Variants in PDLIM3 observed in about 807,000 individuals in gnomAD.
PDLIM3 encodes PDZ and LIM domain protein 3.
A neutral mutation model predicts 37.3 loss-of-function variants in PDLIM3; 36 were observed. That is an observed-to-expected ratio of 0.97 (90% CI 0.74 to 1.28). The LOEUF is 1.28. PDLIM3 is among the 50% of genes most tolerant of loss of function. The pLI is 0.00. For synonymous variants in PDLIM3, 174 were observed against 182.4 expected, an observed-to-expected ratio of 0.95 and a Z score of 0.37; for missense variants, 454 against 485.0, an observed-to-expected ratio of 0.94 and a Z score of 0.60.
chr4:185,513,517 CTTTT>C, intron 4 of PDLIM3: 10 of 807,348 alleles, frequency 1.2e-5, no homozygotes, highest in Non-Finnish European at 1.5e-5. Context: ...CACTTAAATT[CTTTT>C]TTTTTTTTTA....
rs550511333 is a variant in PDLIM3 at position 185,524,514 on chromosome 4, G to A, written c.245+506C>T. 2.0e-5 allele frequency among the ~76,000 whole-genome samples: 3 copies of A among 152,310 alleles called. No homozygotes were observed. The East Asian group carries it at 5.8e-4, about 29-fold the overall frequency. On this transcript the variant is annotated intron_variant, in intron 2 of 7. Coordinates refer to ENST00000284767, the MANE Select transcript of PDLIM3 (RefSeq NM_014476.6). ...ACATCTCAGTATTTCACATGCCCACGTGCATATGCACTCTCACACCTGTAA... is the reference window on the plus strand; with the variant it reads ...ACATCTCAGTATTTCACATGCCCACATGCATATGCACTCTCACACCTGTAA...
intron 5 of PDLIM3, among the ~76,000 whole-genome samples, chr4:185,507,977 T>C (rs963750324): frequency 6.6e-6 from 1 of 152,110 alleles, no homozygotes; most frequent in Non-Finnish European, 1.5e-5. Context: ...GTAAAGTACA[T>C]TGTAGCTTTC....
intron 1 of PDLIM3, among the ~76,000 whole-genome samples, chr4:185,526,696 T>C (rs1309823551): frequency 6.6e-6 from 1 of 152,218 alleles, no homozygotes; most frequent in East Asian, 1.9e-4. Context: ...TCTTACATTA[T>C]TCCTGCTCTC....
rs568748419 is a variant in PDLIM3 at position 185,511,251 on chromosome 4, GA to G, written c.399-2690del. Among the ~76,000 whole-genome samples the G allele has an allele frequency of 2.2e-3, 334 of 152,210 alleles. 1 individual carries two copies. Among genetic ancestry groups the G allele is most frequent in the African/African-American group, 7.8e-3 (323 of 41,514 alleles). On this transcript the variant is annotated intron_variant, in intron 4 of 7. Coordinates refer to ENST00000284767, the MANE Select transcript of PDLIM3 (RefSeq NM_014476.6). ...TTAAAAATTTTACATATTTGTATAT[GA>G]AAACACCAGTCTTTTAAAAGGCTTC...
Position 185,513,176 on chromosome 4 carries a change from G to T in PDLIM3, c.398+1094C>A, listed in dbSNP as rs547716768. The T allele has an allele frequency of 5.6e-4, 548 of 985,218 alleles. 2 individuals are homozygous for T. The highest frequency in any genetic ancestry group is 2.3e-3 in the East Asian group (20 of 8,814). 61.0% of individuals were successfully genotyped at this position (985,218 alleles called of 1,614,324 possible). A position where few individuals can be genotyped will look rare whatever the true frequency, so the allele number is the denominator to read the frequency against. On this transcript the variant is annotated intron_variant, in intron 4 of 7. Transcript: ENST00000284767. ...GCAGACACTGAGCTCACGTTCTAGG[G>T]GGGGGAAGATGTGTTTGCTCATGGT...
rs374691561 is a variant in PDLIM3 at position 185,508,462 on chromosome 4, C to A, written c.499G>T (p.Ala167Ser). 3 of 1,614,060 alleles carry A rather than the reference C, an allele frequency of 1.9e-6. No homozygotes were observed. The African/African-American group carries it at 4.0e-5, about 22-fold the overall frequency. The change falls in exon 5 of 8, where the codon GCG (alanine) becomes TCG (serine). Residue 167 changes from alanine (A) to serine (S), a missense_variant. Transcript: ENST00000284767. ...STICPGDLKV[A>S]AKLAPNIPLE... ...GGAATGTTAGGGGCCAGCTTAGCCG[C>A]AACTTTCAAGTCACCTGGGCAAATG...
chr4:185,513,535 A>G (rs2095709976), intron 4 of PDLIM3: 2 of 984,110 alleles, frequency 2.0e-6, no homozygotes, highest in African/African-American at 1.8e-5. Context: ...TTTTTTAAAC[A>G]AAAGAATTAA....
chr4:185,535,307 C>T, intron 1 of PDLIM3, 35 bp downstream of exon 1: 1 of 1,563,806 alleles, frequency 6.4e-7, no homozygotes, highest in Non-Finnish European at 8.7e-7. Flanking sequence ...CCGGAGTCCC[C>T]ACCTCGCAGC....
In PDLIM3 at chr4:185,501,218, T is replaced by C. The variant is rs2095686653; in HGVS notation, c.*1076A>G. ...GACTCCAGGAAAGCTGAGCTGAGAGTTTTGGAGGTGGTAGTGGAGGTGTTA... is the reference window on the plus strand; with the variant it reads ...GACTCCAGGAAAGCTGAGCTGAGAGCTTTGGAGGTGGTAGTGGAGGTGTTA... On this transcript the variant is annotated 3_prime_UTR_variant, in exon 8 of 8. Coordinates refer to ENST00000284767, the MANE Select transcript of PDLIM3 (RefSeq NM_014476.6). 1 of 151,778 alleles carries C rather than the reference T, an allele frequency of 6.6e-6. No homozygotes were observed. Among genetic ancestry groups the C allele is most frequent in the Admixed American group, 6.6e-5 (1 of 15,224 alleles). The allele number at this position is 151,778 out of a possible 1,614,324, so 9.4% of individuals were successfully genotyped here. A position where few individuals can be genotyped will look rare whatever the true frequency, so the allele number is the denominator to read the frequency against.
At chr4:185,512,741 T>G (rs908593299) in intron 4 of PDLIM3, 16 of 984,746 alleles carry the variant, frequency 1.6e-5, no homozygotes, top group Non-Finnish European at 1.9e-5. Flanking sequence ...ATGCAAGTGA[T>G]TAATTTTACT....
chr4:185,530,637 A>G (rs1402540728), intron 1 of PDLIM3, among the ~76,000 whole-genome samples: 1 of 152,218 alleles, frequency 6.6e-6, no homozygotes, highest in East Asian at 1.9e-4. Context: ...CAGTTATCCG[A>G]GACCAACTGC....
At chr4:185,503,246 A>AACAAAAAC (rs76905645) in intron 7 of PDLIM3, among the ~76,000 whole-genome samples, 2 of 150,656 alleles carry the variant, frequency 1.3e-5, no homozygotes, top group Non-Finnish European at 3.0e-5. Context: ...CAATAACAAC[A>AACAAAAAC]AAAACAAAAC....
At chr4:185,512,630 G>A in intron 4 of PDLIM3, 2 of 974,460 alleles carry the variant, frequency 2.1e-6, no homozygotes, top group Non-Finnish European at 2.4e-6. Context: ...TAGGTTTTTA[G>A]TAAAGGCAGG....
At position 185,514,461 on chromosome 4, in the gene PDLIM3, G is replaced by A. The variant is rs2095711613; in HGVS notation, c.331-124C>T. ...ACCAACTACTGTCATAACTAAGAAA[G>A]GCGATGACGGGACCAGGACGATGTC... On this transcript the variant is annotated intron_variant, in intron 3 of 7. Transcript: ENST00000284767. This position sits in a 1 kb window ranked among gnomAD's most constrained non-coding sequence, Gnocchi z 4.0. 24 of 1,570,594 alleles carry A rather than the reference G, an allele frequency of 1.5e-5. 1 individual carries two copies. The South Asian group carries it at 2.5e-4, about 16-fold the overall frequency.
At chr4:185,516,560 C>T (rs1561197378) in intron 3 of PDLIM3, 2 of 152,126 alleles carry the variant, frequency 1.3e-5, no homozygotes, top group African/African-American at 4.8e-5. Flanking sequence ...GATTCTTGTG[C>T]CTGAGAATAT....
chr4:185,525,766 A>G (rs941143776), intron 1 of PDLIM3, among the ~76,000 whole-genome samples: 7 of 152,184 alleles, frequency 4.6e-5, no homozygotes. Flanking sequence ...AAAAGGCCTC[A>G]GAGAGAGCTC....
At chr4:185,506,490 A>G (rs1189587486) in intron 6 of PDLIM3, 32 bp downstream of exon 6, 2 of 1,612,992 alleles carry the variant, frequency 1.2e-6, no homozygotes, top group Non-Finnish European at 1.7e-6. Context: ...GCCTCTATCA[A>G]TACGTTTCAG....
rs2095710802 is a variant in PDLIM3 at position 185,514,044 on chromosome 4, T to A, written c.398+226A>T. 1 of 1,426,100 alleles carries A rather than the reference T, an allele frequency of 7.0e-7. No homozygotes were observed. The allele number at this position is 1,426,100 out of a possible 1,614,324, so 88.3% of individuals were successfully genotyped here. ...GTTCGCTATAAATACACGTGGTGAT[T>A]GCATACAATTTCACAGCTCTGTCAT... is the stretch of plus-strand genomic sequence containing the variant. On this transcript the variant is annotated intron_variant, in intron 4 of 7. Coordinates refer to ENST00000284767, the MANE Select transcript of PDLIM3 (RefSeq NM_014476.6). This position sits in a 1 kb window ranked among gnomAD's most constrained non-coding sequence, Gnocchi z 4.0.
chr4:185,514,328 A>G lies in PDLIM3; in HGVS notation c.340T>C (p.Tyr114His). 2 of 1,614,246 alleles carry G rather than the reference A, an allele frequency of 1.2e-6. No individual in the cohort carries two copies. The highest frequency in any genetic ancestry group is 1.7e-6 in the Non-Finnish European group (2 of 1,180,048). ...NLESEPQDGNYFEHKHNIRPK... is the reference protein window; with the variant it reads ...NLESEPQDGNHFEHKHNIRPK... ...CGAATATTATGCTTGTGTTCAAAGT[A>G]GTTCCCGTCCTGTGAAAACAAAGCG... The change falls in exon 4 of 8, where the codon TAC becomes CAC. Residue 114 changes from tyrosine (Y) to histidine (H), a missense_variant. By Grantham distance (83) the Tyr-to-His change is moderately conservative (BLOSUM62 2). Coordinates refer to ENST00000284767, the MANE Select transcript of PDLIM3 (RefSeq NM_014476.6). This position sits in a 1 kb window ranked among gnomAD's most constrained non-coding sequence, Gnocchi z 4.0.
Sources: allele counts gnomAD v4.1 joint callset (sites outside exome capture counted in the v4.1 genomes callset), GRCh38; gene constraint gnomAD v4.1.1; non-coding constraint Gnocchi (gnomAD v3.1); transcripts MANE v1.5; gene names NCBI Gene and HGNC (gene_info 2026-07-23, HGNC 2026-07-21).